The following ATPAF2 variants were observed in gnomAD, a reference collection of about 807,000 sequenced individuals.
The protein encoded by ATPAF2 is ATP synthase mitochondrial F1 complex assembly factor 2.
Under a neutral mutation model 36.6 loss-of-function variants are expected in ATPAF2, and 30 were observed. That is an observed-to-expected ratio of 0.82 (90% CI 0.61 to 1.11). The LOEUF (loss-of-function observed/expected upper bound fraction) is 1.11, where lower values mean the gene tolerates loss of function less well. ATPAF2 is among the 50% of genes most tolerant of loss of function. ATPAF2 has a pLI of 0.00. For synonymous variants in ATPAF2, 140 were observed against 152.6 expected, an observed-to-expected ratio of 0.92 and a Z score of 0.61; for missense variants, 321 against 372.3, an observed-to-expected ratio of 0.86 and a Z score of 1.13.
intron 3 of ATPAF2, chr17:18,026,654 AG>A: frequency 1.7e-6 from 1 of 585,374 alleles, no homozygotes. Flanking sequence ...CAGCAGCCCC[AG>A]GATTAGTGAA....
chr17:18,026,059 A>T (rs1482547281), intron 4 of ATPAF2: 4 of 565,320 alleles, frequency 7.1e-6, no homozygotes, highest in African/African-American at 1.9e-5. Flanking sequence ...CGGCACCTGC[A>T]AGAGCTGCAT....
chr17:18,023,471 A>C (rs2044501387), intron 5 of ATPAF2, among the ~76,000 whole-genome samples: 1 of 152,216 alleles, frequency 6.6e-6, no homozygotes, highest in Admixed American at 6.5e-5. Flanking sequence ...TCCTAATAGT[A>C]CAAATGGACT....
chr17:18,015,591 GGA>G (rs2044330382), downstream of ATPAF2: 1 of 155,054 alleles, frequency 6.4e-6, no homozygotes, highest in South Asian at 2.0e-4. Flanking sequence ...GAGTGGCAGT[GGA>G]GAGACAACTG....
chr17:18,026,119 G>A (rs2145497874), intron 4 of ATPAF2, 200 bp downstream of exon 4: 2 of 651,886 alleles, frequency 3.1e-6, no homozygotes, highest in African/African-American at 1.8e-5. Context: ...GAAGAGGGGT[G>A]GCCATGTTCT....
At chr17:18,028,731 T>C (rs2145504629) in intron 1 of ATPAF2, 72 bp from the exon 2 acceptor site, 1 of 1,358,136 alleles carries the variant, frequency 7.4e-7, no homozygotes, top group Non-Finnish European at 1.1e-6. Context: ...CAGGACCAGC[T>C]TGTATCATTA....
At chr17:18,026,171 C>T (rs758844018) in intron 4 of ATPAF2, 148 bp downstream of exon 4, 103 of 769,154 alleles carry the variant, frequency 1.3e-4, no homozygotes, top group Non-Finnish European at 2.1e-4. Flanking sequence ...TAAGGGGCTA[C>T]AGAGCAGCCA....
rs1198058297 is a variant in ATPAF2 at position 18,021,130 on chromosome 17, T to G, written c.725A>C (p.Glu242Ala). The G allele has an allele frequency of 1.2e-6, 2 of 1,613,084 alleles. No individual in the cohort carries two copies. The highest frequency in any genetic ancestry group is 1.7e-6 in the Non-Finnish European group (2 of 1,179,588). ...QAVLLSRLEEEYQIQKWGNIE... is the reference protein window; with the variant it reads ...QAVLLSRLEEAYQIQKWGNIE... ...TGAGGTGCTGCTCCTCACCTGGTAC[T>G]CCTCCTCCAGGCGTGACAGCAGCAC... The change falls in exon 7 of 8, where the codon GAG (glutamate) becomes GCG (alanine). Residue 242 changes from glutamate to alanine, a missense_variant. By Grantham distance (107) the Glu-to-Ala change is moderately radical. Coordinates refer to ENST00000474627, the MANE Select transcript of ATPAF2 (RefSeq NM_145691.4).
At chr17:18,017,033 G>A (rs1425316374), downstream of ATPAF2, 1 of 180,150 alleles carries the variant, frequency 5.6e-6, no homozygotes, top group African/African-American at 2.4e-5. Context: ...TTAGCCAGAT[G>A]TGGTAGCGTG....
chr17:18,016,856 C>A, downstream of ATPAF2: 2 of 446,948 alleles, frequency 4.5e-6, no homozygotes, highest in Non-Finnish European at 7.9e-6. Flanking sequence ...GGACTCATTT[C>A]ACATTTCCCC....
chr17:18,029,123 G>C (rs1316976266), intron 1 of ATPAF2, among the ~76,000 whole-genome samples: 1 of 152,200 alleles, frequency 6.6e-6, no homozygotes, highest in Non-Finnish European at 1.5e-5. Flanking sequence ...TGATACATCG[G>C]CAGGATACAG....
At chr17:18,034,048 G>A (rs2044672188) in intron 1 of ATPAF2, among the ~76,000 whole-genome samples, 1 of 152,128 alleles carries the variant, frequency 6.6e-6, no homozygotes. Context: ...GAGCCTGGGA[G>A]GTTGAGGCTG....
At chr17:18,028,419 G>A (rs1211277001) in intron 2 of ATPAF2, 42 bp from the exon 3 acceptor site, 1 of 1,608,234 alleles carries the variant, frequency 6.2e-7, no homozygotes, top group Non-Finnish European at 8.5e-7. Context: ...TTTGTTAAGT[G>A]GAATCAAGTG....
intron 1 of ATPAF2, among the ~76,000 whole-genome samples, chr17:18,036,287 G>A (rs1041814218): frequency 8.5e-5 from 13 of 152,124 alleles, no homozygotes; most frequent in African/African-American, 2.9e-4. Flanking sequence ...AACACGTGGG[G>A]GTCGGGGGCC....
chr17:18,032,488 A>C (rs1415727744), intron 1 of ATPAF2, among the ~76,000 whole-genome samples: 2 of 152,216 alleles, frequency 1.3e-5, no homozygotes, highest in African/African-American at 4.8e-5. Flanking sequence ...AGGGCAAAAG[A>C]AGCCCAGGGG....
chr17:18,017,657 G>A (rs1327136279), downstream of ATPAF2, among the ~76,000 whole-genome samples: 1 of 152,254 alleles, frequency 6.6e-6, no homozygotes, highest in African/African-American at 2.4e-5. Flanking sequence ...CATGGGAAGC[G>A]TGGAGAGGCA....
At position 18,035,033 on chromosome 17, in the gene ATPAF2, T is replaced by C. The variant is rs958132310; in HGVS notation, c.133+3848A>G. ...AGGAGGATCACTTGAGGCCAGGAGTTTGAGGTCAGCCTGAGCAAGACCCCA... is the reference window on the plus strand; with the variant it reads ...AGGAGGATCACTTGAGGCCAGGAGTCTGAGGTCAGCCTGAGCAAGACCCCA... On this transcript the variant is annotated intron_variant, in intron 1 of 7. Coordinates refer to ENST00000474627, the MANE Select transcript of ATPAF2 (RefSeq NM_145691.4). Among the ~76,000 whole-genome samples, 16 of 152,086 alleles carry C rather than the reference T, an allele frequency of 1.1e-4. 1 individual carries two copies. Among genetic ancestry groups the C allele is most frequent in the Non-Finnish European group, 2.9e-5 (2 of 67,986 alleles).
intron 6 of ATPAF2, 84 bp from the exon 7 acceptor site, chr17:18,021,322 A>G: frequency 9.7e-7 from 1 of 1,025,888 alleles, no homozygotes; most frequent in South Asian, 1.4e-5. Context: ...GCCCTAGCAG[A>G]GAACAGGAGT....
downstream of ATPAF2, chr17:18,016,170 C>T (rs1292233119): frequency 3.1e-6 from 5 of 1,613,898 alleles, no homozygotes; most frequent in Non-Finnish European, 4.2e-6. Flanking sequence ...AGAATCAACT[C>T]TTGGTGTACA....
At position 18,038,894 on chromosome 17, in the gene ATPAF2, G is replaced by T; in HGVS notation, c.120C>A (p.Tyr40Ter). 4 of 1,613,982 alleles carry T rather than the reference G, an allele frequency of 2.5e-6. No individual in the cohort carries two copies. The highest frequency in any genetic ancestry group is 3.4e-6 in the Non-Finnish European group (4 of 1,179,862). Residue 40 changes from tyrosine to a stop codon, truncating the protein, a stop_gained, in exon 1 of 8, where the codon TAC (tyrosine) becomes TAA (stop). Coordinates refer to ENST00000474627, the MANE Select transcript of ATPAF2 (RefSeq NM_145691.4). LOFTEE classifies it high-confidence loss of function. ...TCATGGTCTTACCTGTCGGCGGGGC[G>T]TAAGCCCGGGCTGGAGACGGGATGG... ...GPTIPSPARA[Y>*]APPTERKRFY...
Sources: gnomAD v4.1 joint callset for allele counts (sites outside exome capture counted in the v4.1 genomes callset) on GRCh38, gnomAD v4.1.1 for gene constraint, MANE v1.5 for transcripts, NCBI Gene and HGNC (gene_info 2026-07-23, HGNC 2026-07-21) for gene names.